ACOT7: variants seen among roughly 807,000 people sequenced by gnomAD.
ACOT7 encodes the protein cytosolic acyl coenzyme A thioester hydrolase.
ACOT7 carries 12 observed loss-of-function variants against 40.2 expected under a neutral mutation model. That is an observed-to-expected ratio of 0.30 (90% CI 0.19 to 0.48). ACOT7 has a LOEUF of 0.48. ACOT7 is among the 20% of genes least tolerant of loss of function. ACOT7 has a pLI of 0.99. For synonymous variants in ACOT7, 228 were observed against 219.5 expected (o/e 1.04, Z -0.34); for missense variants, 395 against 530.8 (o/e 0.74, Z 2.51).
In ACOT7 at chr1:6,393,254, T is replaced by C. The variant is rs775329454; in HGVS notation, c.143+3A>G. ...TGCAGGCTGCGCGCGGGCCCTCTCT[T>C]ACCGGCAGATCTGGATGGCGGACGG... On this transcript the variant is annotated splice_donor_region_variant and intron_variant, in intron 1 of 8. Coordinates refer to ENST00000361521, the MANE Select transcript of ACOT7 (RefSeq NM_007274.4). 2 of 1,280,736 alleles carry C rather than the reference T, an allele frequency of 1.6e-6. No homozygotes were observed. Among genetic ancestry groups the C allele is most frequent in the East Asian group, 2.9e-5 (1 of 34,830 alleles). The allele number at this position is 1,280,736 out of a possible 1,614,324, so 79.3% of individuals were successfully genotyped here.
chr1:6,274,764 T>C lies in ACOT7; in HGVS notation c.1014+6338A>G, dbSNP rs1639140737. On this transcript the variant is annotated intron_variant, in intron 8 of 8. Transcript: ENST00000361521. This position sits in a 1 kb window ranked among gnomAD's most constrained non-coding sequence, Gnocchi z 5.9. Reference sequence around the variant, plus strand: ...GGAGGTTCAGTCACCTGCCCAGCACTGGTCCTGAGATCATCTGGGGCTGAA... The same window carrying C: ...GGAGGTTCAGTCACCTGCCCAGCACCGGTCCTGAGATCATCTGGGGCTGAA... 6.6e-6 allele frequency among the ~76,000 whole-genome samples: 1 copy of C among 152,158 alleles called. No individual in the cohort carries two copies. The highest frequency in any genetic ancestry group is 2.1e-4 in the South Asian group (1 of 4,832).
chr1:6,388,704 C>T lies in ACOT7; in HGVS notation c.143+4553G>A, dbSNP rs541790127. 1.2e-3 allele frequency among the ~76,000 whole-genome samples: 171 copies of T among 138,380 alleles called. 1 individual carries two copies. The highest frequency in any genetic ancestry group is 4.6e-3 in the African/African-American group (166 of 35,990). 90.8% of individuals were successfully genotyped at this position (138,380 alleles called of 152,430 possible). A position where few individuals can be genotyped will look rare whatever the true frequency, so the allele number is the denominator to read the frequency against. Reference sequence around the variant, plus strand: ...GCAGTGAGCCAAGATCCTGTCACTGCACTCCAGCCTGGGTGACAGAGTGAG... The same window carrying T: ...GCAGTGAGCCAAGATCCTGTCACTGTACTCCAGCCTGGGTGACAGAGTGAG... On this transcript the variant is annotated intron_variant, in intron 1 of 8. Transcript: ENST00000361521.
At chr1:6,381,930 C>T (rs1361307850) in intron 1 of ACOT7, among the ~76,000 whole-genome samples, 3 of 139,730 alleles carry the variant, frequency 2.1e-5, no homozygotes, top group Admixed American at 1.4e-4. Flanking sequence ...GTCAGGAGAT[C>T]GAGACCATCC....
rs2148388370 is a variant in ACOT7 at position 6,288,744 on chromosome 1, T to C, written c.829+6120A>G. Among the ~76,000 whole-genome samples, 1 of 152,316 alleles carries C rather than the reference T, an allele frequency of 6.6e-6. No homozygotes were observed. Among genetic ancestry groups the C allele is most frequent in the South Asian group, 2.1e-4 (1 of 4,824 alleles). ...CACGGCAGGGTGGCAGTGGCCTCCA[T>C]GGCCGCGGGTGAGGCCTCTCCCAGC... On this transcript the variant is annotated intron_variant, in intron 7 of 8. Coordinates refer to ENST00000361521, the MANE Select transcript of ACOT7 (RefSeq NM_007274.4). The surrounding 1 kb of genome is among the most constrained non-coding windows in gnomAD (Gnocchi z 4.3).
At chr1:6,376,590 G>C (rs1380398421) in intron 1 of ACOT7, among the ~76,000 whole-genome samples, 1 of 151,970 alleles carries the variant, frequency 6.6e-6, no homozygotes, top group Admixed American at 6.6e-5. Flanking sequence ...AGCATGGCGT[G>C]GTGCCATGTG....
rs550370976 is a variant in ACOT7, at chr1:6,275,128, G to A, written c.1014+5974C>T. ...GGGGTTGGCGTTCCCTGAAGCCTCC[G>A]GCTTCAATGACCTGTACCCAGGCAC... On this transcript the variant is annotated intron_variant, in intron 8 of 8. Coordinates refer to ENST00000361521, the MANE Select transcript of ACOT7 (RefSeq NM_007274.4). This position sits in a 1 kb window ranked among gnomAD's most constrained non-coding sequence, Gnocchi z 5.6. Among the ~76,000 whole-genome samples, 30 of 152,312 alleles carry A rather than the reference G, an allele frequency of 2.0e-4. No individual in the cohort carries two copies. Among genetic ancestry groups the A allele is most frequent in the African/African-American group, 6.0e-4 (25 of 41,578 alleles).
chr1:6,358,849 G>A lies in ACOT7; in HGVS notation c.144-8983C>T. 1.2e-6 allele frequency: 2 copies of A among 1,613,956 alleles called. No homozygotes were observed. Among genetic ancestry groups the A allele is most frequent in the East Asian group, 4.5e-5 (2 of 44,876 alleles). On this transcript the variant is annotated intron_variant, in intron 1 of 8. Transcript: ENST00000361521. This position sits in a 1 kb window ranked among gnomAD's most constrained non-coding sequence, Gnocchi z 4.1. ...ACCTGCTCAGCTGGAAAGCCATGGTGGCTAGGACATCCCAGGATCAGATGC... is the reference window on the plus strand; with the variant it reads ...ACCTGCTCAGCTGGAAAGCCATGGTAGCTAGGACATCCCAGGATCAGATGC...
At position 6,353,735 on chromosome 1, in the gene ACOT7, C is replaced by T. The variant is rs529417916; in HGVS notation, c.144-3869G>A. 3.9e-5 allele frequency among the ~76,000 whole-genome samples: 6 copies of T among 152,384 alleles called. No homozygotes were observed. The East Asian group carries it at 9.6e-4, about 24-fold the overall frequency. On this transcript the variant is annotated intron_variant, in intron 1 of 8. Transcript: ENST00000361521. ...GAAAGACACAGGCCAGCTCGGGCAACGGCACAGGCCTGGCCCAGTTCTGGA... is the reference window on the plus strand; with the variant it reads ...GAAAGACACAGGCCAGCTCGGGCAATGGCACAGGCCTGGCCCAGTTCTGGA...
At chr1:6,285,434 G>A (rs76766351) in intron 7 of ACOT7, among the ~76,000 whole-genome samples, 3 of 152,352 alleles carry the variant, frequency 2.0e-5, no homozygotes, top group African/African-American at 7.2e-5. Flanking sequence ...GCAAAAGGGT[G>A]GAGAGCCTGG....
At chr1:6,373,676 C>G (rs1642174829) in intron 1 of ACOT7, among the ~76,000 whole-genome samples, 1 of 151,824 alleles carries the variant, frequency 6.6e-6, no homozygotes. Context: ...ACCAGCCTGA[C>G]CAACATGGTG....
intron 8 of ACOT7, among the ~76,000 whole-genome samples, chr1:6,276,541 G>T (rs74049521): frequency 6.6e-6 from 1 of 152,064 alleles, no homozygotes; most frequent in African/African-American, 2.4e-5. Context: ...GCCAGGCCCT[G>T]GGGAAGGGAG....
intron 1 of ACOT7, 100 bp downstream of exon 1, chr1:6,393,157 G>A (rs898781450): frequency 2.9e-5 from 34 of 1,164,214 alleles, no homozygotes; most frequent in Non-Finnish European, 3.4e-5. Flanking sequence ...GCGGGCGGGG[G>A]CGGCCTCGGC....
intron 1 of ACOT7, among the ~76,000 whole-genome samples, chr1:6,370,457 G>GTATTAT (rs34962967): frequency 0.019 from 2,697 of 140,762 alleles, 38 homozygotes; most frequent in East Asian, 0.03. Context: ...AGCAGTGTTA[G>GTATTAT]TATTATTATT....
At chr1:6,340,064 C>G (rs1641229821) in intron 2 of ACOT7, among the ~76,000 whole-genome samples, 1 of 151,668 alleles carries the variant, frequency 6.6e-6, no homozygotes, top group Admixed American at 6.6e-5. Context: ...CTCCCAGATT[C>G]ACGCCATTCT....
At chr1:6,364,621 G>C (rs1641961217) in intron 1 of ACOT7, among the ~76,000 whole-genome samples, 1 of 151,486 alleles carries the variant, frequency 6.6e-6, no homozygotes, top group South Asian at 2.1e-4. Context: ...AGGCCGAGGT[G>C]GGCAGATCAC....
At chr1:6,270,741 G>A (rs1408033205) in intron 8 of ACOT7, among the ~76,000 whole-genome samples, 1 of 152,294 alleles carries the variant, frequency 6.6e-6, no homozygotes, top group East Asian at 1.9e-4. Context: ...TGTGTCTGCG[G>A]TCCCTGGTGC....
rs1205642155 is a variant in ACOT7 at position 6,338,261 on chromosome 1, C to T, written c.418+1172G>A. Among the ~76,000 whole-genome samples the T allele has an allele frequency of 2.6e-5, 4 of 152,214 alleles. No individual in the cohort carries two copies. Among genetic ancestry groups the T allele is most frequent in the Non-Finnish European group, 5.9e-5 (4 of 68,034 alleles). ...GAAGGGGCCAAGGCTCCACCCCCAG[C>T]ACAGTCGGAGAAGAGCTGCGATCTC... is the stretch of plus-strand genomic sequence containing the variant. On this transcript the variant is annotated intron_variant, in intron 3 of 8. Transcript: ENST00000361521. This position sits in a 1 kb window ranked among gnomAD's most constrained non-coding sequence, Gnocchi z 4.4.
At chr1:6,351,873 GAT>G (rs1404015386) in intron 1 of ACOT7, among the ~76,000 whole-genome samples, 4 of 152,234 alleles carry the variant, frequency 2.6e-5, no homozygotes, top group African/African-American at 7.2e-5. Flanking sequence ...AGACAGGACA[GAT>G]ATGTGGGTAG....
Position 6,360,837 on chromosome 1 carries a change from C to T in ACOT7, c.144-10971G>A. ...CAGGTGTGCTAGGCCCACCACCCAC[C>T]CCAAATCAGTGAGGACCTACCAGGC... On this transcript the variant is annotated intron_variant, in intron 1 of 8. Transcript: ENST00000361521. The T allele has an allele frequency of 3.1e-6, 4 of 1,272,128 alleles. No individual in the cohort carries two copies. The South Asian group carries it at 4.8e-5, about 15-fold the overall frequency. 78.8% of individuals were successfully genotyped at this position (1,272,128 alleles called of 1,614,324 possible). A position where few individuals can be genotyped will look rare whatever the true frequency, so the allele number is the denominator to read the frequency against.
Sources: allele counts gnomAD v4.1 joint callset (sites outside exome capture counted in the v4.1 genomes callset), GRCh38; gene constraint gnomAD v4.1.1; non-coding constraint Gnocchi (gnomAD v3.1); transcripts MANE v1.5; gene names NCBI Gene and HGNC (gene_info 2026-07-23, HGNC 2026-07-21).